SPTB: variants seen among roughly 807,000 people sequenced by gnomAD.
SPTB encodes spectrin beta, erythrocytic.
A neutral mutation model predicts 256.2 loss-of-function variants in SPTB; 45 were observed. That is an observed-to-expected ratio of 0.18 (90% CI 0.14 to 0.23). The LOEUF (loss-of-function observed/expected upper bound fraction) is 0.23, where lower values mean the gene tolerates loss of function less well. SPTB is among the 10% of genes least tolerant of loss of function. SPTB has a pLI of 1.00. For missense variants in SPTB, 2,715 were observed against 3,040.4 expected, an observed-to-expected ratio of 0.89 and a Z score of 2.52; for synonymous variants, 1,231 against 1,243.1, an observed-to-expected ratio of 0.99 and a Z score of 0.21.
At chr14:64,859,720 C>A (rs59594981) in intron 1 of SPTB, among the ~76,000 whole-genome samples, 3,956 of 17,566 alleles carry the variant, frequency 0.23, 149 homozygotes, top group East Asian at 0.4. Context: ...CTCTCTCTCT[C>A]TATATATATA....
intron 24 of SPTB, among the ~76,000 whole-genome samples, 165 bp downstream of exon 24, chr14:64,774,232 A>G (rs970803654): frequency 2.6e-5 from 4 of 152,196 alleles, no homozygotes; most frequent in Non-Finnish European, 4.4e-5. Flanking sequence ...AAACCAAGGC[A>G]TAAAATGAAA....
chr14:64,879,355 A>T (rs531675534), intron 1 of SPTB, among the ~76,000 whole-genome samples: 24 of 152,186 alleles, frequency 1.6e-4, no homozygotes, highest in Non-Finnish European at 2.5e-4. Flanking sequence ...ATGAGCGGCC[A>T]CAAGGCTGAG....
chr14:64,776,040 G>T (rs547935903), intron 22 of SPTB, among the ~76,000 whole-genome samples: 2 of 152,256 alleles, frequency 1.3e-5, no homozygotes, highest in South Asian at 2.1e-4. Context: ...CACCCTGGTG[G>T]CTGGTCACCT....
At position 64,749,840 on chromosome 14, in the gene SPTB, G is replaced by T; in HGVS notation, c.6776+141C>A. On this transcript the variant is annotated intron_variant, in intron 34 of 35. Transcript: ENST00000644917. This position sits in a 1 kb window ranked among gnomAD's most constrained non-coding sequence, Gnocchi z 4.7. ...AGCACTTTCTGAGAGGTCAAAGTCTGGACCATCAGCCTCTTTGATTTGAAA... is the reference window on the plus strand; with the variant it reads ...AGCACTTTCTGAGAGGTCAAAGTCTTGACCATCAGCCTCTTTGATTTGAAA... The T allele has an allele frequency of 6.8e-7, 1 of 1,478,616 alleles. No individual in the cohort carries two copies. The highest frequency in any genetic ancestry group is 9.4e-7 in the Non-Finnish European group (1 of 1,068,580). The allele number at this position is 1,478,616 out of a possible 1,614,324, so 91.6% of individuals were successfully genotyped here. A position where few individuals can be genotyped will look rare whatever the true frequency, so the allele number is the denominator to read the frequency against.
At chr14:64,837,684 C>T (rs776938766) in intron 1 of SPTB, among the ~76,000 whole-genome samples, 2 of 152,186 alleles carry the variant, frequency 1.3e-5, no homozygotes, top group Non-Finnish European at 2.9e-5. Flanking sequence ...TCACTGCAAC[C>T]TCTGCCTCCC....
intron 1 of SPTB, among the ~76,000 whole-genome samples, chr14:64,843,094 A>C (rs1215886629): frequency 6.6e-6 from 1 of 152,142 alleles, no homozygotes; most frequent in Admixed American, 6.5e-5. Context: ...AGACATATAG[A>C]AGTAGAAACT....
rs769817020 is a variant in SPTB, at chr14:64,750,168, G to C, written c.6603-14C>G. 22 of 1,608,724 alleles carry C rather than the reference G, an allele frequency of 1.4e-5. No homozygotes were observed. Among genetic ancestry groups the C allele is most frequent in the Non-Finnish European group, 1.9e-5 (22 of 1,175,690 alleles). On this transcript the variant is annotated splice_polypyrimidine_tract_variant and intron_variant, in intron 33 of 35. Transcript: ENST00000644917. ...TTGTTCCAGGACCTGCAAAGATGCAGACAGGCAGGTCACCCACATCCTGAT... is the reference window on the plus strand; with the variant it reads ...TTGTTCCAGGACCTGCAAAGATGCACACAGGCAGGTCACCCACATCCTGAT...
chr14:64,833,339 T>C (rs1164517479), intron 1 of SPTB, among the ~76,000 whole-genome samples: 1 of 152,024 alleles, frequency 6.6e-6, no homozygotes, highest in Non-Finnish European at 1.5e-5. Flanking sequence ...TCACCTGAGG[T>C]TGGCAGTTCG....
At chr14:64,798,758 A>C (rs907982620) in intron 9 of SPTB, among the ~76,000 whole-genome samples, 3 of 152,236 alleles carry the variant, frequency 2.0e-5, no homozygotes, top group African/African-American at 7.2e-5. Context: ...TAGAAACCAG[A>C]TACTTGTTTA....
At position 64,753,748 on chromosome 14, in the gene SPTB, G is replaced by A; in HGVS notation, c.6391C>T (p.Pro2131Ser). ...TGCCCATCCTTGTGCTGACCCGGCGGTGGTGGCTGCTGCAGGTTCTGAGGC... is the reference window on the plus strand; with the variant it reads ...TGCCCATCCTTGTGCTGACCCGGCGATGGTGGCTGCTGCAGGTTCTGAGGC... The part of the protein sequence containing the change: ...TWPQNLQQPP[P>S]PGQHKDGQKS... The change falls in exon 33 of 36, where the codon CCG becomes TCG. Residue 2131 changes from proline (P) to serine (S), a missense_variant. By Grantham distance (74) the Pro-to-Ser change is moderately conservative (BLOSUM62 -1). This residue lies in a region of SPTB where 2,239 missense variants were observed against 2,384.4 expected (regional missense o/e 0.94). Transcript: ENST00000644917. The A allele has an allele frequency of 1.2e-6, 2 of 1,613,672 alleles. No individual in the cohort carries two copies. Among genetic ancestry groups the A allele is most frequent in the Non-Finnish European group, 1.7e-6 (2 of 1,180,018 alleles).
chr14:64,868,163 G>A (rs1055750882), intron 1 of SPTB, among the ~76,000 whole-genome samples: 3 of 152,192 alleles, frequency 2.0e-5, no homozygotes, highest in East Asian at 1.9e-4. Context: ...TAATTCTGAG[G>A]TCAGGGTGTG....
At position 64,807,466 on chromosome 14, in the gene SPTB, G is replaced by A. The variant is rs1031700914; in HGVS notation, c.149-2376C>T. On this transcript the variant is annotated intron_variant, in intron 2 of 35. Transcript: ENST00000644917. This position sits in a 1 kb window ranked among gnomAD's most constrained non-coding sequence, Gnocchi z 4.7. Reference sequence around the variant, plus strand: ...AATGATGCCCCCTGGACCCTCAAACGTGGGAGCCACAGGTTTTGAGCACAG... The same window carrying A: ...AATGATGCCCCCTGGACCCTCAAACATGGGAGCCACAGGTTTTGAGCACAG... Among the ~76,000 whole-genome samples, 4 of 152,164 alleles carry A rather than the reference G, an allele frequency of 2.6e-5. No individual in the cohort carries two copies. The highest frequency in any genetic ancestry group is 6.5e-5 in the Admixed American group (1 of 15,282).
chr14:64,779,911 ATTCACTTGG>A lies in SPTB; in HGVS notation c.4278_4286del (p.Gln1427_Asn1429del). On this transcript the variant is annotated inframe_deletion, in exon 21 of 36. Transcript: ENST00000644917. This position sits in a 1 kb window ranked among gnomAD's most constrained non-coding sequence, Gnocchi z 4.2. ...GCTCCCCCAGCTCCTCTTTTCGCAC[ATTCACTTGG>A]TCCTCCACTCGCTGAGACACAAGGG... 6.2e-7 allele frequency: 1 copy of A among 1,613,846 alleles called. No individual in the cohort carries two copies. Among genetic ancestry groups the A allele is most frequent in the Non-Finnish European group, 8.5e-7 (1 of 1,179,866 alleles).
At chr14:64,850,939 A>G (rs2083773586) in intron 1 of SPTB, among the ~76,000 whole-genome samples, 1 of 152,232 alleles carries the variant, frequency 6.6e-6, no homozygotes, top group Non-Finnish European at 1.5e-5. Flanking sequence ...GAGAAATAGA[A>G]GGACTAAGCT....
At chr14:64,837,488 A>C (rs1214526496) in intron 1 of SPTB, among the ~76,000 whole-genome samples, 1 of 152,246 alleles carries the variant, frequency 6.6e-6, no homozygotes, top group East Asian at 1.9e-4. Flanking sequence ...GATTGGAAGA[A>C]TCAATATTGT....
rs75547748 is a variant in SPTB at position 64,845,899 on chromosome 14, C to CAA, written c.-51-22756_-51-22755dup. 1.3e-5 allele frequency among the ~76,000 whole-genome samples: 2 copies of CAA among 151,510 alleles called. No individual in the cohort carries two copies. Among genetic ancestry groups the CAA allele is most frequent in the Admixed American group, 6.6e-5 (1 of 15,248 alleles). On this transcript the variant is annotated intron_variant, in intron 1 of 35. Transcript: ENST00000644917. The surrounding 1 kb of genome is among the most constrained non-coding windows in gnomAD (Gnocchi z 4.8). ...GCATTTTGGGCCAATATTGACTTTCCAAAAAAAACCCGCTCTACATTTTAT... is the reference window on the plus strand; with the variant it reads ...GCATTTTGGGCCAATATTGACTTTCCAAAAAAAAAACCCGCTCTACATTTTAT...
Position 64,806,329 on chromosome 14 carries a change from T to C in SPTB, c.149-1239A>G, listed in dbSNP as rs577480210. 7.9e-5 allele frequency among the ~76,000 whole-genome samples: 12 copies of C among 152,108 alleles called. No homozygotes were observed. The highest frequency in any genetic ancestry group is 1.8e-4 in the Non-Finnish European group (12 of 68,002). ...TTCAGGGAAGGAGGTGACTTGGCAGTGAGGCTGGGCCTGAGGGTTGTGGAG... is the reference window on the plus strand; with the variant it reads ...TTCAGGGAAGGAGGTGACTTGGCAGCGAGGCTGGGCCTGAGGGTTGTGGAG... On this transcript the variant is annotated intron_variant, in intron 2 of 35. Transcript: ENST00000644917. This position sits in a 1 kb window ranked among gnomAD's most constrained non-coding sequence, Gnocchi z 4.1.
At chr14:64,753,389 G>A in intron 33 of SPTB, 148 bp downstream of exon 33, 4 of 1,177,024 alleles carry the variant, frequency 3.4e-6, no homozygotes, top group Non-Finnish European at 4.8e-6. Flanking sequence ...CTCGGGGCTG[G>A]CCCAGAGGGG....
intron 2 of SPTB, among the ~76,000 whole-genome samples, chr14:64,808,835 G>C (rs1484425451): frequency 6.6e-6 from 1 of 152,076 alleles, no homozygotes; most frequent in Non-Finnish European, 1.5e-5. Flanking sequence ...GTCAATGCTC[G>C]AGGGTTCCAG....
Sources: gnomAD v4.1 joint callset for allele counts (sites outside exome capture counted in the v4.1 genomes callset) on GRCh38, gnomAD v4.1.1 for gene constraint, gnomAD v4.1.1 regional missense constraint, Gnocchi (gnomAD v3.1) non-coding constraint, MANE v1.5 for transcripts, NCBI Gene and HGNC (gene_info 2026-07-23, HGNC 2026-07-21) for gene names.